CYRIA: variants seen among roughly 807,000 people sequenced by gnomAD.
The protein encoded by CYRIA is CYFIP related Rac1 interactor A.
In CYRIA, 15 loss-of-function variants were observed where a neutral mutation model predicts 43.9. That is an observed-to-expected ratio of 0.34 (90% confidence interval 0.23 to 0.53). The LOEUF (loss-of-function observed/expected upper bound fraction) is 0.53, where lower values mean the gene tolerates loss of function less well. CYRIA is among the 20% of genes least tolerant of loss of function. The pLI is 0.94. For synonymous variants in CYRIA, 117 were observed against 136.0 expected, an observed-to-expected ratio of 0.86 and a Z score of 0.97; for missense variants, 236 against 394.2, an observed-to-expected ratio of 0.60 and a Z score of 3.40.
chr2:16,625,377 T>C (rs773996976), intron 1 of CYRIA, among the ~76,000 whole-genome samples: 2 of 85,570 alleles, frequency 2.3e-5, no homozygotes, highest in Non-Finnish European at 2.3e-5. Context: ...CCAGGAGAGA[T>C]GGGGTGGGGG....
Position 16,559,502 on chromosome 2 carries a change from A to G in CYRIA, c.795T>C (p.His265=). The G allele has an allele frequency of 6.2e-7, 1 of 1,613,238 alleles. No individual in the cohort carries two copies. The highest frequency in any genetic ancestry group is 1.3e-5 in the African/African-American group (1 of 74,972). Residue 265 remains histidine (H), a synonymous_variant, in exon 10 of 12, where the codon CAT becomes CAC. Coordinates refer to ENST00000381323, the MANE Select transcript of CYRIA (RefSeq NM_030797.4). ...TGCAGAAAGCTCCCACAGGGTGGAC[A>G]TGGTCATAGAGGATGATGACTCCCA... ...VMVGVIILYD[H]VHPVGAFCKT...
intron 1 of CYRIA, among the ~76,000 whole-genome samples, chr2:16,627,876 G>A (rs888790448): frequency 6.6e-6 from 1 of 152,174 alleles, no homozygotes; most frequent in African/African-American, 2.4e-5. Context: ...CAGCATGGCT[G>A]GGCCAGGGAG....
chr2:16,626,442 C>G (rs1415148993), intron 1 of CYRIA, among the ~76,000 whole-genome samples: 1 of 152,148 alleles, frequency 6.6e-6, no homozygotes, highest in Non-Finnish European at 1.5e-5. Context: ...CCACTCAGCT[C>G]TCACCCTCAC....
intron 1 of CYRIA, among the ~76,000 whole-genome samples, chr2:16,628,862 A>G (rs377443358): frequency 6.6e-5 from 10 of 152,228 alleles, no homozygotes; most frequent in Admixed American, 3.3e-4. Flanking sequence ...GAATTCACGG[A>G]GCTTGTTGGC....
chr2:16,630,396 G>A (rs567460495), intron 1 of CYRIA, among the ~76,000 whole-genome samples: 2 of 152,266 alleles, frequency 1.3e-5, no homozygotes, highest in Admixed American at 1.3e-4. Context: ...ATTGCAAGTG[G>A]CAAATGGTAG....
chr2:16,557,887 C>T (rs6729013), intron 10 of CYRIA, among the ~76,000 whole-genome samples: 80,893 of 151,976 alleles, frequency 0.53, 23,988 homozygotes, highest in African/African-American at 0.81. Context: ...ATGAACTCAA[C>T]CCATAGTCAA....
intron 2 of CYRIA, among the ~76,000 whole-genome samples, chr2:16,601,167 G>A (rs1425158537): frequency 6.6e-6 from 1 of 152,184 alleles, no homozygotes; most frequent in African/African-American, 2.4e-5. Flanking sequence ...GAAGGGAGGT[G>A]TTTCTTTAGG....
chr2:16,593,736 T>A lies in CYRIA; in HGVS notation c.-10-5607A>T, dbSNP rs561867839. Among the ~76,000 whole-genome samples the A allele has an allele frequency of 1.4e-3, 194 of 140,270 alleles. 1 individual carries two copies. Among genetic ancestry groups the A allele is most frequent in the Middle Eastern group, 0.011 (3 of 266 alleles). 92.0% of individuals were successfully genotyped at this position (140,270 alleles called of 152,430 possible). On this transcript the variant is annotated intron_variant, in intron 2 of 11. Transcript: ENST00000381323. ...TGTGTGTGTTTTTTTTTTTTTTTTT[T>A]TTATTATACTCTAAGTTTTAGGGTA...
chr2:16,553,465 G>A (rs1232385219), intron 11 of CYRIA, among the ~76,000 whole-genome samples: 1 of 152,076 alleles, frequency 6.6e-6, no homozygotes. Context: ...CCACAAAAAT[G>A]GTGCAATCTG....
intron 1 of CYRIA, among the ~76,000 whole-genome samples, chr2:16,657,113 A>G (rs1196296707): frequency 6.6e-6 from 1 of 152,204 alleles, no homozygotes; most frequent in Non-Finnish European, 1.5e-5. Context: ...CAGAGAGACA[A>G]AGGAAGAAGT....
At chr2:16,632,322 A>T (rs1054203151) in intron 1 of CYRIA, among the ~76,000 whole-genome samples, 2 of 152,140 alleles carry the variant, frequency 1.3e-5, no homozygotes, top group Non-Finnish European at 2.9e-5. Flanking sequence ...TGCTAAAACT[A>T]CCCTGACAAT....
chr2:16,553,137 C>T (rs145427230), intron 11 of CYRIA, 138 bp from the exon 12 acceptor site: 8 of 650,062 alleles, frequency 1.2e-5, no homozygotes, highest in Non-Finnish European at 2.3e-5. Flanking sequence ...TGCTCACAGT[C>T]ATCTCAGATT....
Position 16,549,692 on chromosome 2 carries a change from T to C in CYRIA, c.*3244A>G, listed in dbSNP as rs894603539. Reference sequence around the variant, plus strand: ...GTTTATTACTAACATTTAAAAAATATTTGTAGCTGCATAGGATACAAGATT... The same window carrying C: ...GTTTATTACTAACATTTAAAAAATACTTGTAGCTGCATAGGATACAAGATT... On this transcript the variant is annotated 3_prime_UTR_variant, in exon 12 of 12. Transcript: ENST00000381323. The C allele has an allele frequency of 9.2e-5, 14 of 152,128 alleles. No individual in the cohort carries two copies. Among genetic ancestry groups the C allele is most frequent in the African/African-American group, 3.1e-4 (13 of 41,456 alleles). The allele number at this position is 152,128 out of a possible 1,614,324, so 9.4% of individuals were successfully genotyped here.
intron 2 of CYRIA, among the ~76,000 whole-genome samples, chr2:16,607,644 A>G (rs1313065269): frequency 3.3e-5 from 5 of 152,000 alleles, no homozygotes; most frequent in Non-Finnish European, 7.4e-5. Context: ...GCTGGAGTGC[A>G]ATGGCACTAT....
intron 2 of CYRIA, among the ~76,000 whole-genome samples, chr2:16,606,562 C>A (rs115050222): frequency 2.1e-4 from 30 of 143,600 alleles, no homozygotes; most frequent in South Asian, 1.6e-3. Context: ...AAAAAAAAAA[C>A]AAAATGAAAA....
chr2:16,555,236 T>A, intron 10 of CYRIA, 97 bp from the exon 11 acceptor site: 1 of 1,157,844 alleles, frequency 8.6e-7, no homozygotes, highest in Non-Finnish European at 1.2e-6. Flanking sequence ...TCACATTATA[T>A]CTTCCCATAG....
At chr2:16,560,842 C>A in intron 9 of CYRIA, 148 bp downstream of exon 9, 1 of 718,198 alleles carries the variant, frequency 1.4e-6, no homozygotes, top group Non-Finnish European at 2.4e-6. Flanking sequence ...ACACCTACCA[C>A]TCAGAGTTCT....
intron 1 of CYRIA, among the ~76,000 whole-genome samples, 167 bp downstream of exon 1, chr2:16,665,613 C>T (rs1430316601): frequency 6.6e-6 from 1 of 151,710 alleles, no homozygotes; most frequent in Non-Finnish European, 1.5e-5. Context: ...CGGTGTCCTC[C>T]GCTCTCCCTC....
intron 2 of CYRIA, among the ~76,000 whole-genome samples, chr2:16,603,449 T>C (rs1668276472): frequency 6.6e-6 from 1 of 152,166 alleles, no homozygotes; most frequent in Non-Finnish European, 1.5e-5. Flanking sequence ...GGAATCCCCT[T>C]CTATCTGACA....
Sources: gnomAD v4.1 joint callset for allele counts (sites outside exome capture counted in the v4.1 genomes callset) on GRCh38, gnomAD v4.1.1 for gene constraint, MANE v1.5 for transcripts, NCBI Gene and HGNC (gene_info 2026-07-23, HGNC 2026-07-21) for gene names.